The following MICAL2 variants were observed in gnomAD, a reference collection of about 807,000 sequenced individuals.
MICAL2 encodes microtubule associated monooxygenase, calponin and LIM domain containing 2.
MICAL2 carries 77 observed loss-of-function variants against 127.3 expected under a neutral mutation model. The ratio of observed to expected loss-of-function variants is 0.60; its 90% confidence interval spans 0.50 to 0.73. MICAL2 has a LOEUF of 0.73. Among genes scored for constraint, MICAL2 ranks in the 30% least tolerant of loss-of-function variants. MICAL2 has a pLI of 0.00. For missense variants in MICAL2, 1,351 were observed against 1,434.4 expected, an observed-to-expected ratio of 0.94 and a Z score of 0.94; for synonymous variants, 570 against 551.1, an observed-to-expected ratio of 1.03 and a Z score of -0.48.
At chr11:12,157,705 A>C (rs1190729552) in intron 2 of MICAL2, among the ~76,000 whole-genome samples, 3 of 152,198 alleles carry the variant, frequency 2.0e-5, no homozygotes, top group African/African-American at 7.2e-5. Context: ...GATAAAAAAA[A>C]AAAATCCTGA....
rs768086331 is a variant in MICAL2, at chr11:12,249,193, T to G, written c.2794T>G (p.Ser932Ala). ...SASPARKEKK[S>A]PSGFHFHPSH... Reference sequence around the variant, plus strand: ...CCCTCTCTTTCTAAAGGAAAAGAAGTCACCTTCAGGGTTCCATTTTCATCC... The same window carrying G: ...CCCTCTCTTTCTAAAGGAAAAGAAGGCACCTTCAGGGTTCCATTTTCATCC... The change falls in exon 22 of 28, where the codon TCA (serine) becomes GCA (alanine). Residue 932 changes from serine to alanine, a missense_variant. Around this residue, in one of 2 missense-constraint regions of MICAL2, gnomAD observed 752 missense variants for 719.4 expected, o/e 1.05. Transcript: ENST00000683283. The G allele has an allele frequency of 6.2e-7, 1 of 1,613,734 alleles. No individual in the cohort carries two copies. The highest frequency in any genetic ancestry group is 2.2e-5 in the East Asian group (1 of 44,890).
intron 2 of MICAL2, among the ~76,000 whole-genome samples, chr11:12,155,967 A>T (rs1194483199): frequency 6.6e-6 from 1 of 152,190 alleles, no homozygotes; most frequent in Non-Finnish European, 1.5e-5. Flanking sequence ...TGAGGTGAGG[A>T]AGGGGGAATG....
At chr11:12,111,177 C>T (rs945291382) in intron 1 of MICAL2, among the ~76,000 whole-genome samples, 3 of 152,210 alleles carry the variant, frequency 2.0e-5, no homozygotes, top group Admixed American at 6.5e-5. Context: ...CCCTTTTCCC[C>T]CTCCCCTGTC....
At chr11:12,280,571 G>T (rs1863761071) in intron 1 of MICAL2, among the ~76,000 whole-genome samples, 1 of 152,206 alleles carries the variant, frequency 6.6e-6, no homozygotes, top group Admixed American at 6.5e-5. Context: ...GCATCTTCCT[G>T]TTTGCATAGT....
intron 31 of MICAL2, among the ~76,000 whole-genome samples, chr11:12,324,630 C>G (rs1105545): frequency 0.59 from 89,661 of 152,090 alleles, 27,984 homozygotes; most frequent in Non-Finnish European, 0.7. Context: ...TCCTCCACCT[C>G]TCTGAGGAAC....
intron 29 of MICAL2, among the ~76,000 whole-genome samples, chr11:12,306,491 C>T (rs1864111259): frequency 6.6e-6 from 1 of 152,084 alleles, no homozygotes; most frequent in Non-Finnish European, 1.5e-5. Context: ...ATAAAATTTA[C>T]CCTTTTAAAA....
chr11:12,140,845 C>A (rs1312055364), intron 2 of MICAL2, among the ~76,000 whole-genome samples: 1 of 152,186 alleles, frequency 6.6e-6, no homozygotes, highest in African/African-American at 2.4e-5. Flanking sequence ...GCCTTCCAGG[C>A]AGTTCACTCA....
At chr11:12,191,588 A>G (rs1742119719) in intron 3 of MICAL2, among the ~76,000 whole-genome samples, 1 of 151,904 alleles carries the variant, frequency 6.6e-6, no homozygotes, top group South Asian at 2.1e-4. Context: ...ACATGGTGAA[A>G]CCCTGTCTCT....
intron 22 of MICAL2, chr11:12,253,205 T>TG (rs774261385): frequency 2.0e-5 from 3 of 152,330 alleles, no homozygotes; most frequent in Non-Finnish European, 4.4e-5. Context: ...TTTGACACCT[T>TG]GGTGGGGGTC....
chr11:12,177,588 GC>G (rs1430000082), intron 3 of MICAL2, among the ~76,000 whole-genome samples: 9 of 152,146 alleles, frequency 5.9e-5, no homozygotes, highest in African/African-American at 2.2e-4. Context: ...CTGTCATGAA[GC>G]TTTTGCCCTA....
intron 21 of MICAL2, among the ~76,000 whole-genome samples, chr11:12,246,467 G>T (rs1363472981): frequency 2.0e-5 from 3 of 152,228 alleles, no homozygotes; most frequent in Non-Finnish European, 4.4e-5. Context: ...CTGGGCAGGG[G>T]GGCCCTTCAC....
intron 15 of MICAL2, among the ~76,000 whole-genome samples, chr11:12,232,359 G>A (rs908606564): frequency 6.6e-6 from 1 of 152,120 alleles, no homozygotes; most frequent in African/African-American, 2.4e-5. Context: ...CTTGGACTTG[G>A]GGAGATTACA....
At chr11:12,201,708 A>T (rs548970196) in intron 3 of MICAL2, among the ~76,000 whole-genome samples, 161 of 152,322 alleles carry the variant, frequency 1.1e-3, no homozygotes, top group Middle Eastern at 3.4e-3. Context: ...CTTTTTCAGC[A>T]TGCAGTGTCC....
chr11:12,183,124 G>C (rs559167614), intron 3 of MICAL2, among the ~76,000 whole-genome samples: 38 of 152,076 alleles, frequency 2.5e-4, no homozygotes, highest in African/African-American at 8.9e-4. Context: ...ATGTGGGGTG[G>C]GGGAGATGGC....
downstream of MICAL2, among the ~76,000 whole-genome samples, chr11:12,361,651 T>G (rs1939206363): frequency 6.6e-6 from 1 of 152,216 alleles, no homozygotes; most frequent in South Asian, 2.1e-4. Flanking sequence ...CCATGTTAAT[T>G]GCAACCGAGA....
chr11:12,125,545 T>C (rs1589990795), intron 1 of MICAL2, among the ~76,000 whole-genome samples: 2 of 147,008 alleles, frequency 1.4e-5, no homozygotes, highest in South Asian at 2.1e-4. Flanking sequence ...TGAGCCACCG[T>C]GCCCGGCATC....
chr11:12,137,610 TGA>T, intron 1 of MICAL2, among the ~76,000 whole-genome samples: 1 of 152,062 alleles, frequency 6.6e-6, no homozygotes, highest in South Asian at 2.1e-4. Context: ...TGTGTGTGTG[TGA>T]GTGTGTGTGT....
At chr11:12,209,405 A>C (rs1177923912) in intron 5 of MICAL2, 92 bp from the exon 6 acceptor site, 3 of 994,970 alleles carry the variant, frequency 3.0e-6, no homozygotes, top group Non-Finnish European at 4.8e-6. Flanking sequence ...ACCTGGCTGC[A>C]CTGTCCATTT....
chr11:12,335,558 G>T (rs991336793), intron 32 of MICAL2, among the ~76,000 whole-genome samples: 1 of 152,086 alleles, frequency 6.6e-6, no homozygotes, highest in African/African-American at 2.4e-5. Flanking sequence ...TATTGCCTAG[G>T]TTTTCTTCTA....
Sources: allele counts gnomAD v4.1 joint callset (sites outside exome capture counted in the v4.1 genomes callset), GRCh38; gene constraint gnomAD v4.1.1; regional missense constraint gnomAD v4.1.1; transcripts MANE v1.5; gene names NCBI Gene and HGNC (gene_info 2026-07-23, HGNC 2026-07-21).